CHRM3: variants seen among roughly 807,000 people sequenced by gnomAD.
CHRM3 encodes the protein cholinergic receptor muscarinic 3, also known as muscarinic acetylcholine receptor M3.
In CHRM3, 11 loss-of-function variants were observed where a neutral mutation model predicts 41.8. The ratio of observed to expected loss-of-function variants is 0.26; its 90% CI spans 0.17 to 0.44. The LOEUF (loss-of-function observed/expected upper bound fraction) is 0.44. Among genes scored for constraint, CHRM3 ranks in the 20% least tolerant of loss-of-function variants. CHRM3 has a pLI of 1.00. For synonymous variants in CHRM3, 297 were observed against 301.4 expected, an observed-to-expected ratio of 0.99 and a Z score of 0.15; for missense variants, 571 against 745.4, an observed-to-expected ratio of 0.77 and a Z score of 2.72.
intron 4 of CHRM3, among the ~76,000 whole-genome samples, chr1:239,637,374 A>C (rs1372994218): frequency 6.6e-6 from 1 of 152,114 alleles, no homozygotes; most frequent in African/African-American, 2.4e-5. Context: ...AATATTGATG[A>C]AGATCATTGT....
intron 5 of CHRM3, chr1:239,706,521 C>T (rs12751235): frequency 0.41 from 61,545 of 151,950 alleles, 12,779 homozygotes; most frequent in Middle Eastern, 0.51. Flanking sequence ...TGCTCCCTCT[C>T]GGCACTGCCC....
intron 5 of CHRM3, among the ~76,000 whole-genome samples, chr1:239,738,749 T>C (rs116266597): frequency 1.1e-3 from 170 of 152,326 alleles, no homozygotes; most frequent in Non-Finnish European, 1.9e-3. Flanking sequence ...TGAACACTTT[T>C]TCTGCTCCCT....
chr1:239,577,577 G>A (rs1662491474), intron 3 of CHRM3, among the ~76,000 whole-genome samples: 1 of 152,154 alleles, frequency 6.6e-6, no homozygotes, highest in African/African-American at 2.4e-5. Context: ...CAGAATGATT[G>A]CTCATAGCAA....
intron 4 of CHRM3, among the ~76,000 whole-genome samples, chr1:239,648,367 C>T (rs1267278769): frequency 1.3e-5 from 2 of 152,168 alleles, no homozygotes; most frequent in Non-Finnish European, 2.9e-5. Flanking sequence ...CCATTGTGCA[C>T]ACATCTTTAT....
intron 1 of CHRM3, among the ~76,000 whole-genome samples, chr1:239,433,783 G>A (rs1033957972): frequency 2.0e-5 from 3 of 152,084 alleles, no homozygotes; most frequent in Admixed American, 6.5e-5. Flanking sequence ...TGCGAATGCC[G>A]TTAATTTGTT....
intron 6 of CHRM3, among the ~76,000 whole-genome samples, chr1:239,854,890 C>A (rs977180454): frequency 6.6e-6 from 1 of 152,050 alleles, no homozygotes; most frequent in African/African-American, 2.4e-5. Context: ...AAGTTAATTG[C>A]TTCGTTTTAA....
intron 5 of CHRM3, among the ~76,000 whole-genome samples, chr1:239,688,700 TTA>T (rs1659409444): frequency 7.4e-6 from 1 of 134,276 alleles, no homozygotes; most frequent in South Asian, 2.2e-4. Context: ...ATATATAATA[TTA>T]TATATAATAC....
intron 1 of CHRM3, among the ~76,000 whole-genome samples, chr1:239,396,266 G>T (rs927597557): frequency 6.6e-6 from 1 of 151,850 alleles, no homozygotes; most frequent in African/African-American, 2.4e-5. Context: ...GTGTTTTGTT[G>T]GTCTTTGACT....
intron 5 of CHRM3, among the ~76,000 whole-genome samples, chr1:239,693,527 G>A (rs2148009831): frequency 1.3e-5 from 2 of 152,258 alleles, no homozygotes. Flanking sequence ...GCATCCAGTG[G>A]CATTTTGTTA....
chr1:239,853,429 G>A (rs1674857984), intron 6 of CHRM3, among the ~76,000 whole-genome samples: 1 of 151,628 alleles, frequency 6.6e-6, no homozygotes, highest in South Asian at 2.1e-4. Flanking sequence ...AGTTGTCAGT[G>A]ATTTGGAAAA....
intron 1 of CHRM3, among the ~76,000 whole-genome samples, chr1:239,487,494 C>T (rs1208776165): frequency 3.3e-5 from 5 of 151,938 alleles, no homozygotes; most frequent in Non-Finnish European, 7.4e-5. Flanking sequence ...GTATACAATA[C>T]CTAGGAGAAG....
At chr1:239,877,890 CTT>C (rs576152253) in intron 6 of CHRM3, among the ~76,000 whole-genome samples, 60 of 138,848 alleles carry the variant, frequency 4.3e-4, no homozygotes, top group African/African-American at 6.0e-4. Flanking sequence ...TTATTTCTTT[CTT>C]TTTTTTTTTT....
chr1:239,836,953 AAC>A (rs1673373030), intron 6 of CHRM3, among the ~76,000 whole-genome samples: 1 of 151,250 alleles, frequency 6.6e-6, no homozygotes, highest in Non-Finnish European at 1.5e-5. Flanking sequence ...CCAGCCTGGC[AAC>A]AGAGCAAGAC....
chr1:239,599,846 G>T (rs1365529782), intron 3 of CHRM3, among the ~76,000 whole-genome samples: 2 of 152,080 alleles, frequency 1.3e-5, no homozygotes, highest in Admixed American at 1.3e-4. Flanking sequence ...ATGGTTGTAT[G>T]GGTACTCAGA....
chr1:239,388,701 G>A (rs1015564492), intron 1 of CHRM3, among the ~76,000 whole-genome samples: 1 of 152,200 alleles, frequency 6.6e-6, no homozygotes, highest in African/African-American at 2.4e-5. Flanking sequence ...TAGACGAGGT[G>A]TTGAGTGCAC....
intron 1 of CHRM3, among the ~76,000 whole-genome samples, chr1:239,403,976 G>GGAGA (rs531556599): frequency 0.016 from 723 of 46,482 alleles, 70 homozygotes; most frequent in South Asian, 0.038. Flanking sequence ...AGAGGGAGGG[G>GGAGA]GAGAGAGAGA....
intron 6 of CHRM3, among the ~76,000 whole-genome samples, chr1:239,864,543 CACGCACACACACACACAT>C (rs1022208588): frequency 2.1e-5 from 3 of 139,952 alleles, no homozygotes; most frequent in African/African-American, 9.9e-5. Context: ...CACACACACA[CACGCACACACACACACAT>C]ATACATATAT....
chr1:239,532,277 C>A (rs1214512491), intron 2 of CHRM3, among the ~76,000 whole-genome samples: 2 of 147,454 alleles, frequency 1.4e-5, no homozygotes, highest in Non-Finnish European at 3.0e-5. Context: ...TCCCAAAGTG[C>A]TGGGATTACA....
intron 1 of CHRM3, among the ~76,000 whole-genome samples, chr1:239,414,318 A>G (rs1661332744): frequency 6.7e-6 from 1 of 148,304 alleles, no homozygotes; most frequent in African/African-American, 2.4e-5. Flanking sequence ...ACTGAGTGAC[A>G]CAAATGGCCT....
Sources: gnomAD v4.1 joint callset for allele counts (sites outside exome capture counted in the v4.1 genomes callset) on GRCh38, gnomAD v4.1.1 for gene constraint, MANE v1.5 for transcripts, NCBI Gene and HGNC (gene_info 2026-07-23, HGNC 2026-07-21) for gene names.